The following ZNF592 variants were observed in gnomAD, a reference collection of about 807,000 sequenced individuals.
ZNF592 encodes the protein zinc finger protein 592.
In ZNF592, 11 loss-of-function variants were observed where a neutral mutation model predicts 80.3. The ratio of observed to expected loss-of-function variants is 0.14; its 90% CI spans 0.09 to 0.23. The LOEUF is 0.23. ZNF592 is among the 10% of genes least tolerant of loss of function. The pLI is 1.00. For synonymous variants in ZNF592, 646 were observed against 640.3 expected, an observed-to-expected ratio of 1.01 and a Z score of -0.13; for missense variants, 1,420 against 1,633.9, an observed-to-expected ratio of 0.87 and a Z score of 2.26.
rs1375600283 is a variant in ZNF592 at position 84,799,966 on chromosome 15, C to G, written c.3262C>G (p.His1088Asp). Residue 1088 changes from histidine (H) to aspartate (D), a missense_variant, in exon 10 of 11, where the codon CAT becomes GAT. Transcript: ENST00000560079. This position sits in a 1 kb window ranked among gnomAD's most constrained non-coding sequence, Gnocchi z 4.2. Reference protein sequence around the residue: ...QTSKVKPPGGHSPQVNHLKRP... With the variant: ...QTSKVKPPGGDSPQVNHLKRP... Reference sequence around the variant, plus strand: ...GTCCAAAGTGAAACCTCCGGGTGGACATTCCCCTCAGGTGAGTGTGGGCTC... The same window carrying G: ...GTCCAAAGTGAAACCTCCGGGTGGAGATTCCCCTCAGGTGAGTGTGGGCTC... The G allele has an allele frequency of 1.9e-6, 3 of 1,614,090 alleles. No individual in the cohort carries two copies. Among genetic ancestry groups the G allele is most frequent in the Non-Finnish European group, 2.5e-6 (3 of 1,180,036 alleles).
Position 84,805,013 on chromosome 15 carries a change from G to A in ZNF592, c.*2620G>A, listed in dbSNP as rs1031035274. Reference sequence around the variant, plus strand: ...ACTGTGCTCGTTAGTGACCAAGGCTGCTTTGACAGGCTGCCAGCTTGTCAG... The same window carrying A: ...ACTGTGCTCGTTAGTGACCAAGGCTACTTTGACAGGCTGCCAGCTTGTCAG... On this transcript the variant is annotated 3_prime_UTR_variant, in exon 11 of 11. Transcript: ENST00000560079. 6.6e-6 allele frequency: 1 copy of A among 152,208 alleles called. No individual in the cohort carries two copies. Among genetic ancestry groups the A allele is most frequent in the African/African-American group, 2.4e-5 (1 of 41,454 alleles). 9.4% of individuals were successfully genotyped at this position (152,208 alleles called of 1,614,324 possible).
chr15:84,787,016 A>G (rs1204480131), intron 4 of ZNF592, among the ~76,000 whole-genome samples: 1 of 151,584 alleles, frequency 6.6e-6, no homozygotes, highest in Non-Finnish European at 1.5e-5. Context: ...ATGCCTGGCT[A>G]ATTTTTGTAT....
intron 2 of ZNF592, among the ~76,000 whole-genome samples, chr15:84,773,337 G>A (rs1479454310): frequency 1.3e-5 from 2 of 151,068 alleles, no homozygotes; most frequent in African/African-American, 2.4e-5. Context: ...TCAGCCTCCC[G>A]AGTAGCTGGG....
chr15:84,766,954 C>A (rs1462785121), intron 2 of ZNF592, among the ~76,000 whole-genome samples: 1 of 152,028 alleles, frequency 6.6e-6, no homozygotes, highest in Admixed American at 6.6e-5. Context: ...ACCCTCAAAA[C>A]CACCAAAGAA....
intron 2 of ZNF592, among the ~76,000 whole-genome samples, chr15:84,766,397 C>G (rs1899520564): frequency 6.6e-6 from 1 of 152,170 alleles, no homozygotes; most frequent in Admixed American, 6.5e-5. Context: ...TAGGCACATA[C>G]AGAACACCTG....
In ZNF592 at chr15:84,805,580, A is replaced by T. The variant is rs1250089257; in HGVS notation, c.*3187A>T. The stretch of plus-strand genomic sequence containing the variant: ...TGAATTATTATAAGCTAATTGTTGT[A>T]GAAAGAACTTTCCCCTTAACTTATG... On this transcript the variant is annotated 3_prime_UTR_variant, in exon 11 of 11. Coordinates refer to ENST00000560079, the MANE Select transcript of ZNF592 (RefSeq NM_014630.3). 1 of 152,656 alleles carries T rather than the reference A, an allele frequency of 6.6e-6. No individual in the cohort carries two copies. Among genetic ancestry groups the T allele is most frequent in the African/African-American group, 2.4e-5 (1 of 41,450 alleles). The allele number at this position is 152,656 out of a possible 1,614,324, so 9.5% of individuals were successfully genotyped here. A position where few individuals can be genotyped will look rare whatever the true frequency, so the allele number is the denominator to read the frequency against.
intron 3 of ZNF592, 22 bp from the exon 4 acceptor site, chr15:84,782,635 C>G (rs1962450612): frequency 6.2e-7 from 1 of 1,612,150 alleles, no homozygotes; most frequent in South Asian, 1.1e-5. Context: ...GTCACTGATT[C>G]TGTTTTCTGT....
At position 84,784,685 on chromosome 15, in the gene ZNF592, G is replaced by A. The variant is rs746681151; in HGVS notation, c.2010G>A (p.Thr670=). The part of the protein sequence containing the change: ...QMFVSAPVNS[T]APAAPAPSSS... ...TCGTGTCGGCCCCTGTGAACTCCACGGCACCAGCAGCCCCAGCCCCTTCAT... is the reference window on the plus strand; with the variant it reads ...TCGTGTCGGCCCCTGTGAACTCCACAGCACCAGCAGCCCCAGCCCCTTCAT... Residue 670 remains threonine, a synonymous_variant, in exon 4 of 11, where the codon ACG becomes ACA. Coordinates refer to ENST00000560079, the MANE Select transcript of ZNF592 (RefSeq NM_014630.3). The surrounding 1 kb of genome is among the most constrained non-coding windows in gnomAD (Gnocchi z 5.8). The A allele has an allele frequency of 5.6e-6, 9 of 1,613,904 alleles. No individual in the cohort carries two copies. The highest frequency in any genetic ancestry group is 5.0e-5 in the Admixed American group (3 of 59,984).
chr15:84,786,448 GAGAGTGC>G (rs1962587503), intron 4 of ZNF592, among the ~76,000 whole-genome samples: 1 of 151,852 alleles, frequency 6.6e-6, no homozygotes. Context: ...AAAGGAATAT[GAGAGTGC>G]AGAGTGGGTT....
At chr15:84,779,740 A>G (rs1962364975) in intron 3 of ZNF592, among the ~76,000 whole-genome samples, 1 of 152,114 alleles carries the variant, frequency 6.6e-6, no homozygotes, top group South Asian at 2.1e-4. Context: ...AAAGATACTT[A>G]CTTTACTTCT....
At chr15:84,786,141 A>G (rs1406680585) in intron 4 of ZNF592, among the ~76,000 whole-genome samples, 2 of 152,128 alleles carry the variant, frequency 1.3e-5, no homozygotes, top group Non-Finnish European at 2.9e-5. Context: ...CCCACTGTGC[A>G]TGGGCTGGGG....
chr15:84,792,608 G>T (rs1273038782), intron 5 of ZNF592, among the ~76,000 whole-genome samples: 8 of 152,014 alleles, frequency 5.3e-5, no homozygotes, highest in African/African-American at 1.9e-4. Flanking sequence ...GCACTGCCAT[G>T]CCTGGCTAAC....
intron 1 of ZNF592, among the ~76,000 whole-genome samples, chr15:84,751,090 A>G (rs1235758102): frequency 1.3e-5 from 2 of 152,232 alleles, no homozygotes; most frequent in African/African-American, 2.4e-5. Context: ...AGCCTCAAGC[A>G]GTCTGGGGGA....
chr15:84,775,030 C>G (rs1567065324), intron 2 of ZNF592, among the ~76,000 whole-genome samples: 1 of 152,112 alleles, frequency 6.6e-6, no homozygotes, highest in South Asian at 2.1e-4. Context: ...ATCCACCTGC[C>G]TTGGCCTCCC....
At position 84,799,707 on chromosome 15, in the gene ZNF592, A is replaced by T; in HGVS notation, c.3138-135A>T. 7.3e-7 allele frequency: 1 copy of T among 1,361,614 alleles called. No individual in the cohort carries two copies. Among genetic ancestry groups the T allele is most frequent in the Non-Finnish European group, 1.0e-6 (1 of 968,764 alleles). 84.3% of individuals were successfully genotyped at this position (1,361,614 alleles called of 1,614,324 possible). A position where few individuals can be genotyped will look rare whatever the true frequency, so the allele number is the denominator to read the frequency against. ...CTACCTTGGCTGGCCTGCTGGCTGG[A>T]TCTCTCTGGGGTTCCCAGCACTAGC... On this transcript the variant is annotated intron_variant, in intron 9 of 10. Transcript: ENST00000560079. The surrounding 1 kb of genome is among the most constrained non-coding windows in gnomAD (Gnocchi z 4.2).
chr15:84,801,859 T>G lies in ZNF592; in HGVS notation c.3274-4T>G, dbSNP rs1963104052. On this transcript the variant is annotated splice_region_variant and splice_polypyrimidine_tract_variant and intron_variant, in intron 10 of 10. Transcript: ENST00000560079. ...GACTTTGCTCATGCTGTCTCTCCTT[T>G]TAGGTGAACCATCTGAAAAGACCAG... The G allele has an allele frequency of 6.2e-7, 1 of 1,613,804 alleles. No individual in the cohort carries two copies. Among genetic ancestry groups the G allele is most frequent in the Non-Finnish European group, 8.5e-7 (1 of 1,179,868 alleles).
intron 3 of ZNF592, among the ~76,000 whole-genome samples, chr15:84,778,552 T>A (rs1430238913): frequency 6.6e-6 from 1 of 152,072 alleles, no homozygotes. Context: ...CATGTTTGGG[T>A]GGACCCAGTT....
chr15:84,767,156 G>A (rs980426318), intron 2 of ZNF592, among the ~76,000 whole-genome samples: 3 of 151,880 alleles, frequency 2.0e-5, no homozygotes, highest in East Asian at 1.9e-4. Flanking sequence ...CACCACACCC[G>A]GTTAATTTTT....
chr15:84,769,464 G>T (rs1899635070), intron 2 of ZNF592, among the ~76,000 whole-genome samples: 2 of 151,620 alleles, frequency 1.3e-5, no homozygotes, highest in South Asian at 4.2e-4. Flanking sequence ...TGGATTAAAG[G>T]CCTGAAGAAG....
Sources: gnomAD v4.1 joint callset for allele counts (sites outside exome capture counted in the v4.1 genomes callset) on GRCh38, gnomAD v4.1.1 for gene constraint, Gnocchi (gnomAD v3.1) non-coding constraint, MANE v1.5 for transcripts, NCBI Gene and HGNC (gene_info 2026-07-23, HGNC 2026-07-21) for gene names.